Variants in MPI observed in about 807,000 individuals in gnomAD.
The protein encoded by MPI is mannose phosphate isomerase.
In MPI, 33 loss-of-function variants were observed where a neutral mutation model predicts 40.1. That is an observed-to-expected ratio of 0.82 (90% CI 0.62 to 1.10). The LOEUF (loss-of-function observed/expected upper bound fraction) is 1.10. Among genes scored for constraint, MPI ranks in the 50% least tolerant of loss-of-function variants. The pLI, the probability that MPI is intolerant of heterozygous loss-of-function variation, is 0.00. For synonymous variants in MPI, 187 were observed against 207.4 expected (o/e 0.90, Z 0.85); for missense variants, 514 against 524.1 (o/e 0.98, Z 0.19).
At position 74,898,033 on chromosome 15, in the gene MPI, G is replaced by A. The variant is rs1159983564; in HGVS notation, c.*303G>A. On this transcript the variant is annotated 3_prime_UTR_variant, in exon 8 of 8. Coordinates refer to ENST00000352410, the MANE Select transcript of MPI (RefSeq NM_002435.3). The stretch of plus-strand genomic sequence containing the variant: ...TGTTCCAGCCTATGGCTTTAGGCTA[G>A]CTGTTAAATATGTGACCCAGCATTA... The A allele has an allele frequency of 4.4e-6, 2 of 454,218 alleles. No individual in the cohort carries two copies. Among genetic ancestry groups the A allele is most frequent in the Non-Finnish European group, 8.2e-6 (2 of 243,046 alleles). 28.1% of individuals were successfully genotyped at this position (454,218 alleles called of 1,614,324 possible). A position where few individuals can be genotyped will look rare whatever the true frequency, so the allele number is the denominator to read the frequency against.
Position 74,899,879 on chromosome 15 carries a change from C to A in MPI, c.*2149C>A, listed in dbSNP as rs890331444. The stretch of plus-strand genomic sequence containing the variant: ...GGTAAGGTCAGGTTGGTCTCAAACT[C>A]CTGACCTTGTGATTTGCTTGCCTCA... On this transcript the variant is annotated 3_prime_UTR_variant, in exon 8 of 8. Transcript: ENST00000352410. 1.3e-5 allele frequency: 2 copies of A among 152,218 alleles called. No homozygotes were observed. Among genetic ancestry groups the A allele is most frequent in the Admixed American group, 1.3e-4 (2 of 15,268 alleles). The allele number at this position is 152,218 out of a possible 1,614,324, so 9.4% of individuals were successfully genotyped here. A position where few individuals can be genotyped will look rare whatever the true frequency, so the allele number is the denominator to read the frequency against.
Position 74,896,008 on chromosome 15 carries a change from G to C in MPI, c.671-144G>C, listed in dbSNP as rs1400563031. The C allele has an allele frequency of 3.1e-5, 26 of 836,572 alleles. 1 individual carries two copies. The highest frequency in any genetic ancestry group is 3.0e-4 in the South Asian group (21 of 70,656). The allele number at this position is 836,572 out of a possible 1,614,324, so 51.8% of individuals were successfully genotyped here. On this transcript the variant is annotated intron_variant, in intron 5 of 7. Transcript: ENST00000352410. ...GCAAGGCTCGACCCCCAAAGGGCTG[G>C]AGGCGTGGCCAGAAGGACAGGGCCA...
At chr15:74,894,073 TGTGTGTGTGTGTGTGTGTGTGTGTG>T (rs1178809698) in intron 5 of MPI, among the ~76,000 whole-genome samples, 677 of 61,084 alleles carry the variant, frequency 0.011, 35 homozygotes, top group African/African-American at 0.038. Flanking sequence ...TGTGTGTGTG[TGTGTGTGTGTGTGTGTGTGTGTGTG>T]TGTGTGTGTG....
chr15:74,892,913 GC>G (rs2141199908), intron 4 of MPI, 111 bp downstream of exon 4: 2 of 1,552,858 alleles, frequency 1.3e-6, no homozygotes, highest in East Asian at 4.5e-5. Flanking sequence ...GAACTGAAGG[GC>G]CTCATGAAGC....
chr15:74,890,137 C>T (rs536076464), intron 1 of MPI, 48 bp downstream of exon 1: 2 of 1,604,594 alleles, frequency 1.2e-6, no homozygotes, highest in African/African-American at 2.7e-5. Flanking sequence ...GGAGCGCGTC[C>T]TGGGGACGAC....
chr15:74,893,765 TAAG>T (rs2064761917), intron 5 of MPI: 1 of 354,470 alleles, frequency 2.8e-6, no homozygotes, highest in Non-Finnish European at 5.3e-6. Context: ...AACCTTGTGC[TAAG>T]AAGAGTTCAG....
chr15:74,901,673 GCTGTATACCCA>G lies in MPI; in HGVS notation c.*3946_*3956del, dbSNP rs1301398421. 6.5e-6 allele frequency: 1 copy of G among 154,016 alleles called. No individual in the cohort carries two copies. Among genetic ancestry groups the G allele is most frequent in the Non-Finnish European group, 1.4e-5 (1 of 69,340 alleles). The allele number at this position is 154,016 out of a possible 1,614,324, so 9.5% of individuals were successfully genotyped here. ...CTCAGTCTAGGACAAAGCCCACACA[GCTGTATACCCA>G]CTCTCACGAGTCCATTGCTACTTCT... On this transcript the variant is annotated 3_prime_UTR_variant, in exon 8 of 8. Transcript: ENST00000352410.
intron 2 of MPI, 172 bp downstream of exon 2, chr15:74,890,826 CAT>C: frequency 1.2e-6 from 1 of 863,858 alleles, no homozygotes; most frequent in Non-Finnish European, 1.8e-6. Flanking sequence ...GAGGTTTTGT[CAT>C]AATAGGCTGG....
chr15:74,897,239 G>C lies in MPI; in HGVS notation c.1053+20G>C. On this transcript the variant is annotated intron_variant, in intron 7 of 7. Coordinates refer to ENST00000352410, the MANE Select transcript of MPI (RefSeq NM_002435.3). ...ACGGAGGTGAGTGAGGGGCTATGAT[G>C]GGTGTCCTTCGTGTGCCATGAAAAT... 1 of 1,610,964 alleles carries C rather than the reference G, an allele frequency of 6.2e-7. No individual in the cohort carries two copies. The highest frequency in any genetic ancestry group is 8.5e-7 in the Non-Finnish European group (1 of 1,177,224).
In MPI at chr15:74,893,043, T is replaced by C. The variant is rs2064750189; in HGVS notation, c.488-95T>C. 6 of 1,530,724 alleles carry C rather than the reference T, an allele frequency of 3.9e-6. No individual in the cohort carries two copies. In the Admixed American group the frequency reaches 5.1e-5, roughly 13 times the overall value. The allele number at this position is 1,530,724 out of a possible 1,614,324, so 94.8% of individuals were successfully genotyped here. A position where few individuals can be genotyped will look rare whatever the true frequency, so the allele number is the denominator to read the frequency against. ...TACTTAGCATTGCCGGCTCTTTGGT[T>C]AGGGCTGGGATGGAAAGGTGTCCTC... On this transcript the variant is annotated intron_variant, in intron 4 of 7. Transcript: ENST00000352410.
Position 74,896,189 on chromosome 15 carries a change from G to A in MPI, c.708G>A (p.Glu236=), listed in dbSNP as rs530537706. ...AGNNMEDIFG[E]LLLQLHQQYP... ...ACAACATGGAGGACATCTTTGGGGA[G>A]CTTTTGCTACAGCTGCACCAGCAGT... is the stretch of plus-strand genomic sequence containing the variant. Residue 236 remains glutamate, a synonymous_variant, in exon 6 of 8, where the codon GAG becomes GAA. Transcript: ENST00000352410. 40 of 1,614,078 alleles carry A rather than the reference G, an allele frequency of 2.5e-5. No individual in the cohort carries two copies. The South Asian group carries it at 3.7e-4, about 15-fold the overall frequency.
Position 74,897,767 on chromosome 15 carries a change from C to T in MPI, c.*37C>T. On this transcript the variant is annotated 3_prime_UTR_variant, in exon 8 of 8. Transcript: ENST00000352410. ...TCCCCAGCTCTCCTCTGCCAGCCACCCTAAATTCCAGCCAACCTCACCTCC... is the reference window on the plus strand; with the variant it reads ...TCCCCAGCTCTCCTCTGCCAGCCACTCTAAATTCCAGCCAACCTCACCTCC... 1.9e-6 allele frequency: 3 copies of T among 1,601,974 alleles called. No individual in the cohort carries two copies. Among genetic ancestry groups the T allele is most frequent in the Non-Finnish European group, 1.7e-6 (2 of 1,170,392 alleles).
At chr15:74,890,344 T>G (rs1193924092) in intron 1 of MPI, 183 bp from the exon 2 acceptor site, 1 of 886,046 alleles carries the variant, frequency 1.1e-6, no homozygotes, top group African/African-American at 1.6e-5. Context: ...AGGTCCTTAC[T>G]GCTGCCCATC....
At position 74,897,068 on chromosome 15, in the gene MPI, A is replaced by G. The variant is rs534508637; in HGVS notation, c.902A>G (p.Lys301Arg). 21 of 1,614,126 alleles carry G rather than the reference A, an allele frequency of 1.3e-5. No homozygotes were observed. The East Asian group carries it at 2.7e-4, about 21-fold the overall frequency. The change falls in exon 7 of 8, where the codon AAG becomes AGG. Residue 301 changes from lysine to arginine, a missense_variant. Transcript: ENST00000352410. ...DNTVRAGLTPKFIDVPTLCEM... is the reference protein window; with the variant it reads ...DNTVRAGLTPRFIDVPTLCEM... ...ACAGTTCGTGCTGGCCTGACACCCA[A>G]GTTCATTGATGTGCCAACCCTGTGT...
At chr15:74,894,822 T>C (rs1020308804) in intron 5 of MPI, among the ~76,000 whole-genome samples, 1 of 150,968 alleles carries the variant, frequency 6.6e-6, no homozygotes, top group Non-Finnish European at 1.5e-5. Context: ...AGAAAAAAAA[T>C]TTAAAAATTA....
Position 74,893,193 on chromosome 15 carries a change from G to C in MPI, c.543G>C (p.Gln181His). The change falls in exon 5 of 8, where the codon CAG becomes CAC. Residue 181 changes from glutamine (Q) to histidine (H), a missense_variant. Coordinates refer to ENST00000352410, the MANE Select transcript of MPI (RefSeq NM_002435.3). Reference sequence around the variant, plus strand: ...ATGAGGCAGCAACACACCTGAAGCAGACCATGAGCCATGACTCCCAGGCTG... The same window carrying C: ...ATGAGGCAGCAACACACCTGAAGCACACCATGAGCCATGACTCCCAGGCTG... Reference protein sequence around the residue: ...IGDEAATHLKQTMSHDSQAVA... With the variant: ...IGDEAATHLKHTMSHDSQAVA... The C allele has an allele frequency of 3.1e-6, 5 of 1,614,206 alleles. No homozygotes were observed. Among genetic ancestry groups the C allele is most frequent in the Non-Finnish European group, 4.2e-6 (5 of 1,180,042 alleles).
In MPI at chr15:74,898,450, C is replaced by G. The variant is rs1257943167; in HGVS notation, c.*720C>G. ...GCTTGCAAGCAGGCCTTGGGTCTGC[C>G]CAGAGGCACAGCTTGCAAGCAGCCC... On this transcript the variant is annotated 3_prime_UTR_variant, in exon 8 of 8. Transcript: ENST00000352410. 1 of 162,314 alleles carries G rather than the reference C, an allele frequency of 6.2e-6. No individual in the cohort carries two copies. The highest frequency in any genetic ancestry group is 1.7e-4 in the East Asian group (1 of 5,850). 10.1% of individuals were successfully genotyped at this position (162,314 alleles called of 1,614,324 possible). A position where few individuals can be genotyped will look rare whatever the true frequency, so the allele number is the denominator to read the frequency against.
At chr15:74,894,654 G>A (rs1193293061) in intron 5 of MPI, among the ~76,000 whole-genome samples, 1 of 150,812 alleles carries the variant, frequency 6.6e-6, no homozygotes, top group African/African-American at 2.4e-5. Context: ...GGGCATGGTG[G>A]TGTGTGCCTG....
intron 6 of MPI, chr15:74,896,793 A>G (rs1193249991): frequency 1.6e-6 from 1 of 643,672 alleles, no homozygotes; most frequent in Non-Finnish European, 2.8e-6. Flanking sequence ...GGGGCTCCCC[A>G]ACCCCCAGGG....
Sources: gnomAD v4.1 joint callset for allele counts (sites outside exome capture counted in the v4.1 genomes callset) on GRCh38, gnomAD v4.1.1 for gene constraint, MANE v1.5 for transcripts, NCBI Gene and HGNC (gene_info 2026-07-23, HGNC 2026-07-21) for gene names.